JADE3: variants seen among roughly 807,000 people sequenced by gnomAD.
JADE3 encodes the protein protein Jade-3.
In JADE3, 2 loss-of-function variants were observed where a neutral mutation model predicts 50.1. The observed-to-expected ratio is 0.04, with a 90% CI of 0.02 to 0.13. The LOEUF (loss-of-function observed/expected upper bound fraction) is 0.13. Among genes scored for constraint, JADE3 ranks in the 10% least tolerant of loss-of-function variants. The pLI, the probability that JADE3 is intolerant of heterozygous loss-of-function variation, is 1.00. For synonymous variants in JADE3, 218 were observed against 232.9 expected (o/e 0.94, Z 0.58); for missense variants, 475 against 634.4 (o/e 0.75, Z 2.70).
intron 1 of JADE3, among the ~76,000 whole-genome samples, chrX:46,948,531 A>T (rs1432860499): frequency 8.9e-6 from 1 of 112,132 alleles, no homozygotes; most frequent in Non-Finnish European, 1.9e-5. Flanking sequence ...CAGGTTAAAT[A>T]CAATATATTA....
At chrX:46,964,561 C>T (rs1039421541) in intron 1 of JADE3, among the ~76,000 whole-genome samples, 2 of 111,908 alleles carry the variant, frequency 1.8e-5, no homozygotes, top group African/African-American at 6.5e-5. Context: ...ATCTTCCCAA[C>T]TGAGGTCCCA....
At chrX:47,034,409 A>C (rs949289665) in intron 7 of JADE3, among the ~76,000 whole-genome samples, 1 of 109,665 alleles carries the variant, frequency 9.1e-6, no homozygotes, top group Non-Finnish European at 1.9e-5. Flanking sequence ...TCTGGCTAAC[A>C]CTCCATGTTG....
chrX:46,949,193 C>T (rs1926949919), intron 1 of JADE3, among the ~76,000 whole-genome samples: 1 of 111,353 alleles, frequency 9.0e-6, no homozygotes, highest in Admixed American at 9.5e-5. Flanking sequence ...CCTGCCTTGG[C>T]CTCCCAAAGA....
At chrX:46,957,681 G>A (rs1166763210) in intron 1 of JADE3, among the ~76,000 whole-genome samples, 3 of 111,984 alleles carry the variant, frequency 2.7e-5, no homozygotes, top group African/African-American at 6.5e-5. Flanking sequence ...TGTAGCATAC[G>A]GAATAAACAG....
At chrX:46,945,158 C>A (rs1203063745) in intron 1 of JADE3, among the ~76,000 whole-genome samples, 4 of 109,824 alleles carry the variant, frequency 3.6e-5, no homozygotes, top group African/African-American at 1.3e-4. Context: ...TATTTTATAG[C>A]TATTCACTCT....
intron 3 of JADE3, among the ~76,000 whole-genome samples, chrX:46,986,005 T>C (rs782303257): frequency 5.4e-5 from 6 of 110,761 alleles, no homozygotes; most frequent in Non-Finnish European, 1.1e-4. Flanking sequence ...TCAGAGCTGG[T>C]TGTTACAAAG....
rs1189205209 is a variant in JADE3 at position 46,912,458 on chromosome X, A to AGCCGCC, written c.-263_-258dup. ...ATACAATAGTGCTCCGCGCCGCCTC[A>AGCCGCC]GCCGCCGCCGCCGCCCAACCGCCTG... On this transcript the variant is annotated 5_prime_UTR_variant, in exon 1 of 11. Coordinates refer to ENST00000614628, the MANE Select transcript of JADE3 (RefSeq NM_014735.5). 8.9e-6 allele frequency: 1 copy of AGCCGCC among 111,878 alleles called. No homozygotes were observed. The highest frequency in any genetic ancestry group is 1.9e-5 in the Non-Finnish European group (1 of 53,108). 9.2% of individuals were successfully genotyped at this position (111,878 alleles called of 1,213,427 possible). A position where few individuals can be genotyped will look rare whatever the true frequency, so the allele number is the denominator to read the frequency against.
At chrX:46,914,670 C>A (rs1419433554) in intron 1 of JADE3, among the ~76,000 whole-genome samples, 2 of 112,037 alleles carry the variant, frequency 1.8e-5, no homozygotes, top group African/African-American at 6.5e-5. Flanking sequence ...GCTTTTAACC[C>A]AATATTGTTG....
intron 1 of JADE3, among the ~76,000 whole-genome samples, chrX:46,949,465 A>T (rs1443767771): frequency 8.9e-6 from 1 of 112,055 alleles, no homozygotes; most frequent in Non-Finnish European, 1.9e-5. Flanking sequence ...CCTAATTTAC[A>T]TTCTCACCAG....
At chrX:46,937,774 A>G in intron 1 of JADE3, among the ~76,000 whole-genome samples, 1 of 111,568 alleles carries the variant, frequency 9.0e-6, no homozygotes, top group Non-Finnish European at 1.9e-5. Flanking sequence ...TGAGGTCAGG[A>G]GTTTGAAACC....
At chrX:46,959,440 G>A (rs1300309267) in intron 1 of JADE3, among the ~76,000 whole-genome samples, 1 of 112,003 alleles carries the variant, frequency 8.9e-6, no homozygotes, top group Non-Finnish European at 1.9e-5. Flanking sequence ...TATGTACCAG[G>A]CACCGTGTTA....
At chrX:46,915,142 G>A (rs1245897685) in intron 1 of JADE3, among the ~76,000 whole-genome samples, 3 of 111,626 alleles carry the variant, frequency 2.7e-5, no homozygotes, top group African/African-American at 6.5e-5. Context: ...AAGTATTTTG[G>A]AAGAGGTGGG....
At chrX:46,945,541 A>G (rs1556343190) in intron 1 of JADE3, among the ~76,000 whole-genome samples, 1 of 110,863 alleles carries the variant, frequency 9.0e-6, no homozygotes, top group Non-Finnish European at 1.9e-5. Context: ...CATTTGGCTG[A>G]CCCACTCATG....
chrX:47,025,605 C>T (rs183770897), intron 5 of JADE3, among the ~76,000 whole-genome samples: 8 of 111,945 alleles, frequency 7.1e-5, no homozygotes. Flanking sequence ...GTGTGCCATA[C>T]AATACCATAC....
chrX:46,992,487 T>C (rs1928041582), intron 3 of JADE3, among the ~76,000 whole-genome samples: 1 of 108,627 alleles, frequency 9.2e-6, no homozygotes, highest in Non-Finnish European at 1.9e-5. Flanking sequence ...CTGCCACAGG[T>C]AACCAAATGC....
At chrX:47,002,952 T>G (rs1415707791) in intron 4 of JADE3, among the ~76,000 whole-genome samples, 1 of 111,531 alleles carries the variant, frequency 9.0e-6, no homozygotes, top group Non-Finnish European at 1.9e-5. Flanking sequence ...TAGATATTCT[T>G]TGTCAAGTTG....
At chrX:47,033,276 C>T (rs1317183938) in intron 6 of JADE3, among the ~76,000 whole-genome samples, 2 of 111,670 alleles carry the variant, frequency 1.8e-5, no homozygotes, top group Admixed American at 1.9e-4. Flanking sequence ...AAGTGTTTGA[C>T]TAATTATAAT....
At chrX:47,010,101 T>C (rs929265184) in intron 4 of JADE3, among the ~76,000 whole-genome samples, 2 of 111,606 alleles carry the variant, frequency 1.8e-5, no homozygotes, top group Non-Finnish European at 3.8e-5. Flanking sequence ...GGTAGGGAAA[T>C]TTTACTAAGT....
intron 1 of JADE3, among the ~76,000 whole-genome samples, chrX:46,942,458 T>C (rs1556342482): frequency 1.8e-5 from 2 of 112,104 alleles, no homozygotes; most frequent in Non-Finnish European, 3.8e-5. Context: ...ATTTATTGAG[T>C]AGGGAGTCCT....
Sources: gnomAD v4.1 joint callset for allele counts (sites outside exome capture counted in the v4.1 genomes callset) on GRCh38, gnomAD v4.1.1 for gene constraint, MANE v1.5 for transcripts, NCBI Gene and HGNC (gene_info 2026-07-23, HGNC 2026-07-21) for gene names.